RUFY3: variants seen among roughly 807,000 people sequenced by gnomAD.
The protein encoded by RUFY3 is protein RUFY3.
A neutral mutation model predicts 84.0 loss-of-function variants in RUFY3; 34 were observed. That is an observed-to-expected ratio of 0.40 (90% CI 0.31 to 0.54). The LOEUF is 0.54. Ranked by LOEUF, RUFY3 falls within the 20% of genes least tolerant of loss-of-function variation. The probability of loss-of-function intolerance (pLI) is 0.39; values close to 1 mark genes in which losing one functional copy is unlikely to be tolerated. For missense variants in RUFY3, 507 were observed against 736.8 expected, an observed-to-expected ratio of 0.69 and a Z score of 3.61; for synonymous variants, 242 against 252.9, an observed-to-expected ratio of 0.96 and a Z score of 0.41.
chr4:70,791,009 A>G (rs1052620751), intron 12 of RUFY3, among the ~76,000 whole-genome samples: 1 of 152,182 alleles, frequency 6.6e-6, no homozygotes, highest in African/African-American at 2.4e-5. Context: ...TGATTTAACA[A>G]AATGATTTTA....
At chr4:70,754,999 G>A (rs1167564661) in intron 1 of RUFY3, among the ~76,000 whole-genome samples, 1 of 151,918 alleles carries the variant, frequency 6.6e-6, no homozygotes, top group Non-Finnish European at 1.5e-5. Flanking sequence ...CGCTTCCCGG[G>A]TTGAAGCGAT....
intron 15 of RUFY3, among the ~76,000 whole-genome samples, chr4:70,802,293 G>A: frequency 6.6e-6 from 1 of 152,164 alleles, no homozygotes. Context: ...TGTATGTCTG[G>A]TGGTCACACT....
intron 1 of RUFY3, among the ~76,000 whole-genome samples, chr4:70,761,295 A>T (rs948980153): frequency 2.5e-4 from 38 of 152,352 alleles, no homozygotes; most frequent in African/African-American, 8.7e-4. Context: ...GGCCTGCTTT[A>T]GCACCGGAAA....
chr4:70,761,125 G>A (rs998374869), intron 1 of RUFY3, among the ~76,000 whole-genome samples: 1 of 152,152 alleles, frequency 6.6e-6, no homozygotes, highest in Non-Finnish European at 1.5e-5. Flanking sequence ...ACATCATAGA[G>A]CTCTAGGCCT....
At chr4:70,751,395 A>G (rs1239276887) in intron 1 of RUFY3, among the ~76,000 whole-genome samples, 2 of 152,240 alleles carry the variant, frequency 1.3e-5, no homozygotes, top group African/African-American at 4.8e-5. Context: ...GCAAGGCACA[A>G]AAGTTTCCAG....
chr4:70,710,049 C>T (rs531287999), intron 1 of RUFY3, among the ~76,000 whole-genome samples: 4 of 152,232 alleles, frequency 2.6e-5, no homozygotes, highest in African/African-American at 7.2e-5. Context: ...ATGATTAAGC[C>T]CCGGATAGTG....
intron 1 of RUFY3, among the ~76,000 whole-genome samples, chr4:70,744,687 T>C (rs1427710624): frequency 7.1e-6 from 1 of 141,210 alleles, no homozygotes; most frequent in Admixed American, 7.0e-5. Context: ...GGAGTTTCGC[T>C]CTTGTTGCCC....
intron 1 of RUFY3, among the ~76,000 whole-genome samples, chr4:70,709,991 T>C (rs1261649883): frequency 6.6e-6 from 1 of 152,194 alleles, no homozygotes; most frequent in Non-Finnish European, 1.5e-5. Flanking sequence ...CTGGCAGCGT[T>C]ACTATGACTA....
At chr4:70,706,350 A>G (rs1740339120) in intron 1 of RUFY3, among the ~76,000 whole-genome samples, 1 of 152,208 alleles carries the variant, frequency 6.6e-6, no homozygotes, top group Non-Finnish European at 1.5e-5. Context: ...CCCTGCCAAG[A>G]AACCCTGACT....
Position 70,778,470 on chromosome 4 carries a change from A to G in RUFY3, c.894+32A>G, listed in dbSNP as rs778972013. Reference sequence around the variant, plus strand: ...TTTGGAAATGCTTTGATTGACTTATAGAATTTAATATGCATTAGTAGAACC... The same window carrying G: ...TTTGGAAATGCTTTGATTGACTTATGGAATTTAATATGCATTAGTAGAACC... On this transcript the variant is annotated intron_variant, in intron 8 of 17. Transcript: ENST00000381006. 17 of 1,187,960 alleles carry G rather than the reference A, an allele frequency of 1.4e-5. No homozygotes were observed. In the Admixed American group the frequency reaches 1.6e-4, roughly 11 times the overall value. The allele number at this position is 1,187,960 out of a possible 1,614,324, so 73.6% of individuals were successfully genotyped here. A position where few individuals can be genotyped will look rare whatever the true frequency, so the allele number is the denominator to read the frequency against.
At chr4:70,723,239 C>T (rs1372948598) in intron 1 of RUFY3, among the ~76,000 whole-genome samples, 1 of 152,052 alleles carries the variant, frequency 6.6e-6, no homozygotes, top group Non-Finnish European at 1.5e-5. Context: ...CAAGTTATGA[C>T]ATCTAGGAAA....
At position 70,806,782 on chromosome 4, in the gene RUFY3, A is replaced by G. The variant is rs1453194052; in HGVS notation, c.*123A>G. 4.3e-5 allele frequency: 52 copies of G among 1,206,942 alleles called. No individual in the cohort carries two copies. Among genetic ancestry groups the G allele is most frequent in the Middle Eastern group, 4.7e-4 (2 of 4,224 alleles). 74.8% of individuals were successfully genotyped at this position (1,206,942 alleles called of 1,614,324 possible). Reference sequence around the variant, plus strand: ...ACTAAAGAGTTGATAGGAATTTACTAGGTCCAGGGAGAAAAGGCAGTGGTT... The same window carrying G: ...ACTAAAGAGTTGATAGGAATTTACTGGGTCCAGGGAGAAAAGGCAGTGGTT... On this transcript the variant is annotated 3_prime_UTR_variant, in exon 18 of 18. Coordinates refer to ENST00000381006, the MANE Select transcript of RUFY3 (RefSeq NM_001037442.4).
chr4:70,776,419 T>A (rs935362839), intron 7 of RUFY3, among the ~76,000 whole-genome samples: 1 of 152,190 alleles, frequency 6.6e-6, no homozygotes, highest in Non-Finnish European at 1.5e-5. Flanking sequence ...TTTCTTATTG[T>A]CCTTAAATGA....
intron 8 of RUFY3, among the ~76,000 whole-genome samples, chr4:70,779,537 A>G (rs1728544724): frequency 6.6e-6 from 1 of 151,878 alleles, no homozygotes; most frequent in Non-Finnish European, 1.5e-5. Context: ...AAAATACTAA[A>G]TAACATTGTC....
chr4:70,728,512 G>A (rs7686551), intron 1 of RUFY3, among the ~76,000 whole-genome samples: 19,783 of 152,212 alleles, frequency 0.13, 2,939 homozygotes, highest in African/African-American at 0.36. Flanking sequence ...GACTGTCTGT[G>A]AATTGAAATT....
intron 1 of RUFY3, among the ~76,000 whole-genome samples, chr4:70,762,008 G>C (rs1288191011): frequency 6.6e-6 from 1 of 152,090 alleles, no homozygotes; most frequent in Non-Finnish European, 1.5e-5. Flanking sequence ...AGCAGAGGTG[G>C]TGGTGAGACT....
chr4:70,803,104 A>G (rs1732444413), intron 16 of RUFY3, 121 bp downstream of exon 16: 9 of 672,636 alleles, frequency 1.3e-5, no homozygotes, highest in Non-Finnish European at 2.3e-5. Context: ...CCATCCTTCT[A>G]ACAATACCCT....
At chr4:70,775,279 GAGAAGGGA>G in intron 7 of RUFY3, 46 bp downstream of exon 7, 1 of 1,241,930 alleles carries the variant, frequency 8.1e-7, no homozygotes, top group Non-Finnish European at 1.2e-6. Context: ...ATTGTTGAAG[GAGAAGGGA>G]AGAGTAAGAT....
chr4:70,755,145 C>CCT (rs1723787817), intron 1 of RUFY3, among the ~76,000 whole-genome samples: 1 of 152,098 alleles, frequency 6.6e-6, no homozygotes, highest in Admixed American at 6.5e-5. Flanking sequence ...CTCAGATGAT[C>CCT]CTCCCTGAGC....
Sources: gnomAD v4.1 joint callset for allele counts (sites outside exome capture counted in the v4.1 genomes callset) on GRCh38, gnomAD v4.1.1 for gene constraint, MANE v1.5 for transcripts, NCBI Gene and HGNC (gene_info 2026-07-23, HGNC 2026-07-21) for gene names.